The following VPS53 variants were observed in gnomAD, a reference collection of about 807,000 sequenced individuals.
The protein encoded by VPS53 is VPS53 subunit of GARP complex.
In VPS53, 70 loss-of-function variants were observed where a neutral mutation model predicts 107.0. The ratio of observed to expected loss-of-function variants is 0.65; its 90% CI spans 0.54 to 0.80. The LOEUF is 0.80. Among genes scored for constraint, VPS53 ranks in the 30% least tolerant of loss-of-function variants. The pLI is 0.00. For missense variants in VPS53, 917 were observed against 1,049.4 expected (o/e 0.87, Z 1.74); for synonymous variants, 409 against 393.3 (o/e 1.04, Z -0.47).
chr17:713,917 C>T (rs2144049125), intron 1 of VPS53, among the ~76,000 whole-genome samples: 1 of 148,342 alleles, frequency 6.7e-6, no homozygotes, highest in South Asian at 2.2e-4. Context: ...TGGTGGCGTG[C>T]GCCTGTAATC....
chr17:652,981 G>A (rs1354754831), intron 7 of VPS53, among the ~76,000 whole-genome samples: 1 of 152,218 alleles, frequency 6.6e-6, no homozygotes, highest in Non-Finnish European at 1.5e-5. Flanking sequence ...AAGTGCTTAA[G>A]CACTTCCTAG....
At chr17:601,386 A>C (rs1968317505) in intron 12 of VPS53, among the ~76,000 whole-genome samples, 2 of 152,162 alleles carry the variant, frequency 1.3e-5, no homozygotes, top group Admixed American at 1.3e-4. Flanking sequence ...ATCAGCTTAC[A>C]CTGCATGGAG....
intron 8 of VPS53, among the ~76,000 whole-genome samples, chr17:630,810 G>A (rs7219065): frequency 0.015 from 2,272 of 152,194 alleles, 56 homozygotes; most frequent in African/African-American, 0.051. Context: ...TTGCCCCTAA[G>A]TGCTTCAGTA....
At chr17:593,998 C>T (rs902867929) in intron 12 of VPS53, among the ~76,000 whole-genome samples, 35 of 152,320 alleles carry the variant, frequency 2.3e-4, no homozygotes, top group African/African-American at 7.7e-4. Flanking sequence ...GATGAGTTCG[C>T]GTCCTTTGTA....
At chr17:674,680 G>C (rs1972085072) in intron 4 of VPS53, 1 of 152,258 alleles carries the variant, frequency 6.6e-6, no homozygotes, top group African/African-American at 2.4e-5. Context: ...GCCATTATTT[G>C]AAATTCCTTA....
At chr17:595,756 C>T (rs1188406672) in intron 12 of VPS53, among the ~76,000 whole-genome samples, 19 of 133,822 alleles carry the variant, frequency 1.4e-4, no homozygotes, top group East Asian at 2.4e-4. Flanking sequence ...CTAGTGTCCC[C>T]CTGGAGGAAG....
chr17:703,441 T>A (rs1973281741), intron 2 of VPS53, among the ~76,000 whole-genome samples: 1 of 152,146 alleles, frequency 6.6e-6, no homozygotes. Context: ...CCCACTCTCA[T>A]CAGTTAGTTC....
intron 9 of VPS53, among the ~76,000 whole-genome samples, chr17:627,798 A>ACG (rs201498433): frequency 3.3e-5 from 5 of 151,298 alleles, no homozygotes; most frequent in Non-Finnish European, 7.4e-5. Flanking sequence ...ACACACACAC[A>ACG]AAATCCAGAG....
chr17:532,623 G>GT, intron 19 of VPS53: 1 of 1,246,580 alleles, frequency 8.0e-7, no homozygotes. Context: ...TGCTTGCTGT[G>GT]TTATACCCTG....
At chr17:666,266 C>A (rs535823631) in intron 4 of VPS53, among the ~76,000 whole-genome samples, 22 of 152,264 alleles carry the variant, frequency 1.4e-4, no homozygotes, top group Non-Finnish European at 2.6e-4. Flanking sequence ...CAGAGAAAAA[C>A]CACCAGTGAC....
intron 19 of VPS53, 122 bp from the exon 20 acceptor site, chr17:521,860 G>A: frequency 2.5e-6 from 3 of 1,181,786 alleles, no homozygotes; most frequent in East Asian, 6.0e-5. Context: ...CAAAAAATTG[G>A]GGAAATAAAC....
At chr17:607,108 T>C (rs1968622856) in intron 11 of VPS53, among the ~76,000 whole-genome samples, 2 of 152,184 alleles carry the variant, frequency 1.3e-5, no homozygotes, top group South Asian at 2.1e-4. Flanking sequence ...AGGGGAAGCT[T>C]TGAGCAGTAA....
intron 4 of VPS53, among the ~76,000 whole-genome samples, chr17:684,151 G>C (rs1420262111): frequency 4.6e-5 from 7 of 152,200 alleles, no homozygotes; most frequent in African/African-American, 1.7e-4. Flanking sequence ...AAACAAGCAA[G>C]ATGCTAGATT....
At chr17:702,025 G>A (rs553102489) in intron 2 of VPS53, among the ~76,000 whole-genome samples, 29 of 152,160 alleles carry the variant, frequency 1.9e-4, no homozygotes, top group African/African-American at 2.9e-4. Context: ...CAGTGCACCC[G>A]GCCCTATAAT....
At chr17:675,350 C>G (rs959172735) in intron 4 of VPS53, 8 of 152,172 alleles carry the variant, frequency 5.3e-5, no homozygotes. Context: ...CGCGACCGTT[C>G]CCTTGTGACT....
At chr17:629,266 C>G (rs1969841398) in intron 8 of VPS53, among the ~76,000 whole-genome samples, 2 of 152,198 alleles carry the variant, frequency 1.3e-5, no homozygotes, top group South Asian at 2.1e-4. Flanking sequence ...ACCCTAACTT[C>G]TCAATTCTCA....
chr17:552,135 C>T (rs897957068), intron 16 of VPS53, among the ~76,000 whole-genome samples, 185 bp from the exon 17 acceptor site: 8 of 152,196 alleles, frequency 5.3e-5, no homozygotes, highest in African/African-American at 1.9e-4. Flanking sequence ...GGTGTGTCCT[C>T]ACCCAGTCAG....
chr17:528,465 G>GTGTTGTTTTTGTGTT, intron 19 of VPS53, among the ~76,000 whole-genome samples: 1 of 152,050 alleles, frequency 6.6e-6, no homozygotes, highest in Non-Finnish European at 1.5e-5. Context: ...TCCCTTGTAT[G>GTGTTGTTTTTGTGTT]GATAGACCAC....
In VPS53 at chr17:512,782, C is replaced by T. The variant is rs1048761282; in HGVS notation, c.*6346G>A. On this transcript the variant is annotated 3_prime_UTR_variant, in exon 22 of 22. Transcript: ENST00000437048. ...ACTAAGGAAACAGGATGGACTCATGCGTGCAGGAGAGAAATCACTAAAGGA... is the reference window on the plus strand; with the variant it reads ...ACTAAGGAAACAGGATGGACTCATGTGTGCAGGAGAGAAATCACTAAAGGA... 6.6e-6 allele frequency: 1 copy of T among 152,066 alleles called. No homozygotes were observed. Among genetic ancestry groups the T allele is most frequent in the African/African-American group, 2.4e-5 (1 of 41,398 alleles). 9.4% of individuals were successfully genotyped at this position (152,066 alleles called of 1,614,324 possible).
Sources: gnomAD v4.1 joint callset for allele counts (sites outside exome capture counted in the v4.1 genomes callset) on GRCh38, gnomAD v4.1.1 for gene constraint, MANE v1.5 for transcripts, NCBI Gene and HGNC (gene_info 2026-07-23, HGNC 2026-07-21) for gene names.